NXPE2: variants seen among roughly 807,000 people sequenced by gnomAD.
NXPE2 encodes neurexophilin and PC-esterase domain family member 2.
A neutral mutation model predicts 34.4 loss-of-function variants in NXPE2; 34 were observed. That is an observed-to-expected ratio of 0.99 (90% CI 0.75 to 1.31). NXPE2 has a LOEUF of 1.31. NXPE2 is among the 40% of genes most tolerant of loss of function. NXPE2 has a pLI of 0.00. For synonymous variants in NXPE2, 235 were observed against 231.3 expected, an observed-to-expected ratio of 1.02 and a Z score of -0.15; for missense variants, 649 against 672.5, an observed-to-expected ratio of 0.97 and a Z score of 0.39.
At chr11:114,760,023 T>C in the NXPE2 span, among the ~76,000 whole-genome samples, 2 of 152,152 alleles carry the variant, frequency 1.3e-5, no homozygotes, top group African/African-American at 2.4e-5. Context: ...TTCATGGCGC[T>C]TCTAAATGCA....
the NXPE2 span, among the ~76,000 whole-genome samples, chr11:114,659,304 T>C: frequency 6.6e-6 from 1 of 152,140 alleles, no homozygotes; most frequent in Non-Finnish European, 1.5e-5. Context: ...TGACCAAATG[T>C]TGGTATTATC....
At chr11:114,733,248 C>T in the NXPE2 span, among the ~76,000 whole-genome samples, 14,121 of 152,108 alleles carry the variant, frequency 0.093, 804 homozygotes, top group Middle Eastern at 0.19. Flanking sequence ...CGCCCACCAA[C>T]ACGCCCGGCT....
At chr11:114,661,087 A>T in the NXPE2 span, among the ~76,000 whole-genome samples, 1 of 152,288 alleles carries the variant, frequency 6.6e-6, no homozygotes, top group South Asian at 2.1e-4. Context: ...CAAACCATAA[A>T]CCATGATGAA....
At chr11:114,790,121 A>G in the NXPE2 span, among the ~76,000 whole-genome samples, 1 of 152,160 alleles carries the variant, frequency 6.6e-6, no homozygotes, top group Admixed American at 6.5e-5. Flanking sequence ...GCTGTCTCTG[A>G]AGAGCCCCCT....
At chr11:114,591,664 A>G in the NXPE2 span, among the ~76,000 whole-genome samples, 5 of 152,162 alleles carry the variant, frequency 3.3e-5, no homozygotes. Context: ...GGCAAGCTGT[A>G]CTTTCCAGCC....
At chr11:114,668,944 G>C in the NXPE2 span, among the ~76,000 whole-genome samples, 1 of 152,050 alleles carries the variant, frequency 6.6e-6, no homozygotes, top group African/African-American at 2.4e-5. Context: ...TAGAAGAATG[G>C]AATCTCTGTG....
the NXPE2 span, among the ~76,000 whole-genome samples, chr11:114,587,468 A>G: frequency 1.3e-5 from 2 of 152,240 alleles, no homozygotes; most frequent in Non-Finnish European, 2.9e-5. Flanking sequence ...CTCTCTCAAG[A>G]TCCATCTATT....
the NXPE2 span, among the ~76,000 whole-genome samples, chr11:114,629,419 C>A: frequency 6.6e-6 from 1 of 151,662 alleles, no homozygotes; most frequent in Admixed American, 6.6e-5. Context: ...AAGACAAAAA[C>A]CACATGATTA....
chr11:114,582,033 CAT>C, the NXPE2 span, among the ~76,000 whole-genome samples: 2 of 152,222 alleles, frequency 1.3e-5, no homozygotes, highest in Admixed American at 6.5e-5. Context: ...CACATACACA[CAT>C]GTGCATTTCT....
At chr11:114,720,621 C>T in the NXPE2 span, among the ~76,000 whole-genome samples, 4 of 107,690 alleles carry the variant, frequency 3.7e-5, no homozygotes, top group South Asian at 1.1e-3. Flanking sequence ...CACCAGATTT[C>T]AAAGCAAAAA....
chr11:114,487,699 C>A, the NXPE2 span, among the ~76,000 whole-genome samples: 1 of 152,052 alleles, frequency 6.6e-6, no homozygotes, highest in African/African-American at 2.4e-5. Context: ...CTTCTATACC[C>A]AGTTTTTTTA....
chr11:114,751,728 C>T, the NXPE2 span, among the ~76,000 whole-genome samples: 1 of 152,152 alleles, frequency 6.6e-6, no homozygotes, highest in East Asian at 1.9e-4. Flanking sequence ...TGTGACCTTA[C>T]TTGGCAAAAG....
At chr11:114,662,440 T>C in the NXPE2 span, among the ~76,000 whole-genome samples, 1 of 152,204 alleles carries the variant, frequency 6.6e-6, no homozygotes, top group Non-Finnish European at 1.5e-5. Context: ...TATAGGACTC[T>C]AACTAAACTT....
the NXPE2 span, among the ~76,000 whole-genome samples, chr11:114,497,137 C>T: frequency 4.6e-5 from 7 of 152,160 alleles, no homozygotes; most frequent in African/African-American, 1.4e-4. Context: ...CTGCTGTGCA[C>T]CTCACTGTCA....
At chr11:114,540,427 A>G in the NXPE2 span, among the ~76,000 whole-genome samples, 1 of 152,242 alleles carries the variant, frequency 6.6e-6, no homozygotes, top group Non-Finnish European at 1.5e-5. Flanking sequence ...AATAAATACA[A>G]ACACTAACTC....
the NXPE2 span, among the ~76,000 whole-genome samples, chr11:114,785,094 C>A: frequency 6.0e-4 from 92 of 152,106 alleles, no homozygotes; most frequent in African/African-American, 2.1e-3. Context: ...ATTAATCAGG[C>A]CTCTCCGTAG....
chr11:114,519,228 G>A, the NXPE2 span, among the ~76,000 whole-genome samples: 40 of 91,586 alleles, frequency 4.4e-4, no homozygotes, highest in Middle Eastern at 5.5e-3. Flanking sequence ...CTTTCCCCCC[G>A]TTTGGCAAAA....
chr11:114,786,753 C>A, the NXPE2 span, among the ~76,000 whole-genome samples: 95 of 152,218 alleles, frequency 6.2e-4, no homozygotes, highest in Middle Eastern at 6.8e-3. Flanking sequence ...GCCCTTCAAC[C>A]CACACCTACC....
At chr11:114,633,400 T>C in the NXPE2 span, among the ~76,000 whole-genome samples, 3 of 145,188 alleles carry the variant, frequency 2.1e-5, no homozygotes, top group East Asian at 2.0e-4. Context: ...ATATTATATA[T>C]TATATTTTAT....
Sources: gnomAD v4.1 joint callset for allele counts (sites outside exome capture counted in the v4.1 genomes callset) on GRCh38, gnomAD v4.1.1 for gene constraint, MANE v1.5 for transcripts, NCBI Gene and HGNC (gene_info 2026-07-23, HGNC 2026-07-21) for gene names.